The following ALDH8A1 variants were observed in gnomAD, a reference collection of about 807,000 sequenced individuals.
ALDH8A1 encodes aldehyde dehydrogenase 8 family member A1, also known as 2-aminomuconic semialdehyde dehydrogenase.
Under a neutral mutation model 43.3 loss-of-function variants are expected in ALDH8A1, and 39 were observed. The ratio of observed to expected loss-of-function variants is 0.90; its 90% CI spans 0.70 to 1.18. The LOEUF is 1.18. Among genes scored for constraint, ALDH8A1 ranks in the 50% most tolerant of loss-of-function variants. The pLI is 0.00. For synonymous variants in ALDH8A1, 233 were observed against 243.5 expected (o/e 0.96, Z 0.40); for missense variants, 605 against 622.6 (o/e 0.97, Z 0.30).
chr6:134,941,017 G>A (rs1207251483), intron 3 of ALDH8A1, among the ~76,000 whole-genome samples: 5 of 151,974 alleles, frequency 3.3e-5, no homozygotes, highest in African/African-American at 7.3e-5. Context: ...TTTTTTCTCC[G>A]AGGAAACAGT....
At chr6:134,920,346 C>G (rs1776778988) in intron 6 of ALDH8A1, among the ~76,000 whole-genome samples, 1 of 152,128 alleles carries the variant, frequency 6.6e-6, no homozygotes, top group Non-Finnish European at 1.5e-5. Flanking sequence ...TAAGTTTGTA[C>G]CTCTCTTGAT....
intron 1 of ALDH8A1, among the ~76,000 whole-genome samples, chr6:134,946,786 G>GTGCACAGGTGCGCATGTGTGCGTGCA (rs534082327): frequency 6.7e-6 from 1 of 150,040 alleles, no homozygotes; most frequent in African/African-American, 2.5e-5. Flanking sequence ...GTGTGCGCGC[G>GTGCACAGGTGCGCATGTGTGCGTGCA]CGCACAGGTG....
chr6:134,927,846 G>C (rs561174388), intron 6 of ALDH8A1, among the ~76,000 whole-genome samples: 8 of 152,118 alleles, frequency 5.3e-5, no homozygotes, highest in Non-Finnish European at 1.2e-4. Context: ...GACATTTGCA[G>C]GTGTGGGCAG....
At chr6:134,930,120 A>G (rs1198108749) in intron 5 of ALDH8A1, among the ~76,000 whole-genome samples, 1 of 152,194 alleles carries the variant, frequency 6.6e-6, no homozygotes, top group African/African-American at 2.4e-5. Context: ...TTCAGGATAT[A>G]CCTTAAAGAC....
rs930585349 is a variant in ALDH8A1, at chr6:134,918,362, A to G, written c.*53T>C. On this transcript the variant is annotated 3_prime_UTR_variant, in exon 7 of 7. Transcript: ENST00000265605. ...ATGATTTTCATCTACCACATTGAAC[A>G]ACTGATGCCTGCAGCCAGGCATTGG... 43 of 1,541,200 alleles carry G rather than the reference A, an allele frequency of 2.8e-5. No individual in the cohort carries two copies. The South Asian group carries it at 4.4e-4, about 16-fold the overall frequency.
chr6:134,920,159 C>A (rs1448922268), intron 6 of ALDH8A1, among the ~76,000 whole-genome samples: 1 of 152,138 alleles, frequency 6.6e-6, no homozygotes, highest in Non-Finnish European at 1.5e-5. Context: ...GGGATCCGCC[C>A]AAAGTGCTGG....
Position 134,943,980 on chromosome 6 carries a change from A to G in ALDH8A1, c.139-14T>C. ...CGCGGCTTCGATCTTTGAGGAGCAAATGGGAGAAAGGGTCACCTTAAAGCT... is the reference window on the plus strand; with the variant it reads ...CGCGGCTTCGATCTTTGAGGAGCAAGTGGGAGAAAGGGTCACCTTAAAGCT... On this transcript the variant is annotated splice_polypyrimidine_tract_variant and intron_variant, in intron 1 of 6. Transcript: ENST00000265605. 6.2e-7 allele frequency: 1 copy of G among 1,612,368 alleles called. No individual in the cohort carries two copies. Among genetic ancestry groups the G allele is most frequent in the African/African-American group, 1.3e-5 (1 of 75,024 alleles).
Position 134,918,243 on chromosome 6 carries a change from CAGTATCT to C in ALDH8A1, c.*165_*171del. On this transcript the variant is annotated 3_prime_UTR_variant, in exon 7 of 7. Coordinates refer to ENST00000265605, the MANE Select transcript of ALDH8A1 (RefSeq NM_022568.4). ...TTTCCGAGTCCACATTGAAAATAGA[CAGTATCT>C]CTTCACTAGTGGGTAAAGTTACTAA... 1.6e-6 allele frequency: 1 copy of C among 626,862 alleles called. No individual in the cohort carries two copies. The highest frequency in any genetic ancestry group is 2.7e-6 in the Non-Finnish European group (1 of 363,800). 38.8% of individuals were successfully genotyped at this position (626,862 alleles called of 1,614,324 possible).
At position 134,918,323 on chromosome 6, in the gene ALDH8A1, C is replaced by A. The variant is rs1776739477; in HGVS notation, c.*92G>T. ...AACCTTCTGCCAAGTCAAGGCATAG[C>A]TGGAATTCATGCCATGATTTTCATC... On this transcript the variant is annotated 3_prime_UTR_variant, in exon 7 of 7. Coordinates refer to ENST00000265605, the MANE Select transcript of ALDH8A1 (RefSeq NM_022568.4). The A allele has an allele frequency of 1.6e-6, 2 of 1,269,104 alleles. No individual in the cohort carries two copies. Among genetic ancestry groups the A allele is most frequent in the African/African-American group, 3.0e-5 (2 of 67,270 alleles). 78.6% of individuals were successfully genotyped at this position (1,269,104 alleles called of 1,614,324 possible).
At position 134,932,870 on chromosome 6, in the gene ALDH8A1, AG is replaced by A; in HGVS notation, c.754del (p.Leu252TrpfsTer53). On this transcript the variant is annotated frameshift_variant, in exon 5 of 7. Transcript: ENST00000265605. LOFTEE classifies it high-confidence loss of function. ...GGCAGGATTCTTGCCCCCCAGCTCC[AG>A]GGAGAGCTTTTTGCAGTGGGGAGCG... ...LSAPHCKKLS[L>X]ELGGKNPAII... 1 of 1,614,184 alleles carries A rather than the reference AG, an allele frequency of 6.2e-7. No homozygotes were observed. The highest frequency in any genetic ancestry group is 8.5e-7 in the Non-Finnish European group (1 of 1,180,016).
At chr6:134,941,990 C>G (rs1204515821) in intron 3 of ALDH8A1, among the ~76,000 whole-genome samples, 1 of 151,810 alleles carries the variant, frequency 6.6e-6, no homozygotes, top group Admixed American at 6.6e-5. Context: ...GAGGCCGAGG[C>G]GGGAGGATAA....
chr6:134,924,707 A>G (rs1339475785), intron 6 of ALDH8A1, among the ~76,000 whole-genome samples: 1 of 152,206 alleles, frequency 6.6e-6, no homozygotes, highest in Non-Finnish European at 1.5e-5. Context: ...AAGAAAAGGT[A>G]ATCTAGGTCT....
Position 134,939,402 on chromosome 6 carries a change from G to T in ALDH8A1, c.456C>A (p.Ser152Arg). Residue 152 changes from serine to arginine, a missense_variant, in exon 4 of 7, where the codon AGC becomes AGA. Physicochemically the swap from Ser to Arg is moderately radical, Grantham distance 110. Coordinates refer to ENST00000265605, the MANE Select transcript of ALDH8A1 (RefSeq NM_022568.4). ...RAPVGVAGLI[S>R]PWNLPLYLLT... ...GCAAGTAGAGTGGCAAATTCCAGGG[G>T]CTGATCAGACCAGCTAAGGGATGAG... 6.2e-7 allele frequency: 1 copy of T among 1,614,002 alleles called. No individual in the cohort carries two copies. The highest frequency in any genetic ancestry group is 8.5e-7 in the Non-Finnish European group (1 of 1,180,022).
At chr6:134,927,409 G>A (rs544865555) in intron 6 of ALDH8A1, among the ~76,000 whole-genome samples, 1 of 152,214 alleles carries the variant, frequency 6.6e-6, no homozygotes, top group South Asian at 2.1e-4. Flanking sequence ...ACACATTGAA[G>A]ACAAATATTT....
chr6:134,943,480 G>C (rs1230375105), intron 2 of ALDH8A1, among the ~76,000 whole-genome samples: 1 of 152,192 alleles, frequency 6.6e-6, no homozygotes, highest in Non-Finnish European at 1.5e-5. Flanking sequence ...GAATGAGTAG[G>C]AGACTGCATG....
rs551170554 is a variant in ALDH8A1, at chr6:134,932,975, G to A, written c.650C>T (p.Ala217Val). 16 of 1,611,794 alleles carry A rather than the reference G, an allele frequency of 9.9e-6. No individual in the cohort carries two copies. The South Asian group carries it at 1.4e-4, about 14-fold the overall frequency. ...VFGTGPRVGE[A>V]LVSHPEVPLI... ...GGGCACCTCTGGGTGGGACACCAGG[G>A]CCTCACCCACCCTGGGCCCGGTTCC... Residue 217 changes from alanine to valine, a missense_variant, in exon 5 of 7, where the codon GCC (alanine) becomes GTC (valine). Ala to Val is a moderately conservative substitution (Grantham distance 64). Transcript: ENST00000265605.
intron 6 of ALDH8A1, among the ~76,000 whole-genome samples, chr6:134,927,876 G>A (rs1272408441): frequency 6.6e-6 from 1 of 152,104 alleles, no homozygotes; most frequent in African/African-American, 2.4e-5. Context: ...GAGCCCTAGT[G>A]TCCAAAAGAG....
chr6:134,938,523 C>T (rs1298137956), intron 4 of ALDH8A1, among the ~76,000 whole-genome samples: 5 of 152,206 alleles, frequency 3.3e-5, no homozygotes, highest in African/African-American at 1.2e-4. Context: ...CTCTTGAAAT[C>T]GGGCTACTTC....
intron 6 of ALDH8A1, among the ~76,000 whole-genome samples, chr6:134,921,431 C>G (rs1045655027): frequency 8.5e-5 from 13 of 152,112 alleles, no homozygotes; most frequent in Admixed American, 1.3e-4. Context: ...AAAAAGCAAC[C>G]CTGCGAAAAG....
Sources: gnomAD v4.1 joint callset for allele counts (sites outside exome capture counted in the v4.1 genomes callset) on GRCh38, gnomAD v4.1.1 for gene constraint, MANE v1.5 for transcripts, NCBI Gene and HGNC (gene_info 2026-07-23, HGNC 2026-07-21) for gene names.